The following TCERG1 variants were observed in gnomAD, a reference collection of about 807,000 sequenced individuals.
The protein encoded by TCERG1 is transcription elongation regulator 1, also known as TATA box binding protein (TBP)-associated factor, RNA polymerase II, S, 150kD.
In TCERG1, 37 loss-of-function variants were observed where a neutral mutation model predicts 144.7. The observed-to-expected ratio is 0.26, with a 90% CI of 0.20 to 0.34. The LOEUF is 0.34. Among genes scored for constraint, TCERG1 ranks in the 10% least tolerant of loss-of-function variants. TCERG1 has a pLI of 1.00. For synonymous variants in TCERG1, 492 were observed against 458.2 expected, an observed-to-expected ratio of 1.07 and a Z score of -0.94; for missense variants, 1,027 against 1,380.7, an observed-to-expected ratio of 0.74 and a Z score of 4.06.
intron 4 of TCERG1, among the ~76,000 whole-genome samples, chr5:146,459,630 A>C (rs542330711): frequency 6.6e-6 from 1 of 152,224 alleles, no homozygotes; most frequent in South Asian, 2.1e-4. Context: ...AATAAGTGTA[A>C]GTCTTGGTCC....
At chr5:146,462,446 A>T (rs1158008667) in intron 4 of TCERG1, among the ~76,000 whole-genome samples, 3 of 152,164 alleles carry the variant, frequency 2.0e-5, no homozygotes, top group Non-Finnish European at 4.4e-5. Flanking sequence ...GTTTTGTAAC[A>T]TGTGAGAATT....
intron 9 of TCERG1, among the ~76,000 whole-genome samples, chr5:146,472,982 G>A (rs1561661099): frequency 6.6e-6 from 1 of 152,010 alleles, no homozygotes; most frequent in Non-Finnish European, 1.5e-5. Flanking sequence ...CAAAGTGCTG[G>A]GATTACAGGC....
intron 9 of TCERG1, among the ~76,000 whole-genome samples, chr5:146,472,500 C>T (rs1340002090): frequency 6.6e-6 from 1 of 152,064 alleles, no homozygotes; most frequent in Non-Finnish European, 1.5e-5. Context: ...GTGCCACAAA[C>T]CACACCCATG....
intron 2 of TCERG1, among the ~76,000 whole-genome samples, chr5:146,455,917 T>A (rs1762794809): frequency 6.6e-6 from 1 of 152,244 alleles, no homozygotes; most frequent in African/African-American, 2.4e-5. Context: ...GGTGAGGTCA[T>A]GAAGGTATGA....
Position 146,509,157 on chromosome 5 carries a change from G to C in TCERG1, c.3058G>C (p.Glu1020Gln), listed in dbSNP as rs1768252775. 6.4e-7 allele frequency: 1 copy of C among 1,570,220 alleles called. No homozygotes were observed. The highest frequency in any genetic ancestry group is 1.4e-5 in the African/African-American group (1 of 72,258). The change falls in exon 22 of 23, where the codon GAA becomes CAA. Residue 1020 changes from glutamate (E) to glutamine (Q), a missense_variant. By Grantham distance (29) the Glu-to-Gln change is conservative. Transcript: ENST00000679501. ...TTTTTATTAACAGAAAAAACAAAGAGAATTTGAAGAATATATCAGAGACAA... is the reference window on the plus strand; with the variant it reads ...TTTTTATTAACAGAAAAAACAAAGACAATTTGAAGAATATATCAGAGACAA... ...FSSSDRKKQR[E>Q]FEEYIRDKYI...
Position 146,471,496 on chromosome 5 carries a change from AGAAGAGGAGATGACT to A in TCERG1, c.1527_1541del (p.Met511_Glu515del). ...AATATCATTTCTTGTAGGAGCCCAAAGAAGAGGAGATGACTGAAGAAGAAAAGGCTGCCCAGAAGG... is the reference window on the plus strand; with the variant it reads ...AATATCATTTCTTGTAGGAGCCCAAAGAAGAAGAAAAGGCTGCCCAGAAGG... On this transcript the variant is annotated inframe_deletion, in exon 9 of 23. Transcript: ENST00000679501. 6.2e-7 allele frequency: 1 copy of A among 1,612,932 alleles called. No homozygotes were observed.
intron 15 of TCERG1, among the ~76,000 whole-genome samples, chr5:146,491,511 G>A (rs10069071): frequency 0.043 from 6,508 of 152,132 alleles, 238 homozygotes; most frequent in East Asian, 0.19. Context: ...AGTTAGGCTG[G>A]TTTGTTGAGA....
At chr5:146,482,281 C>CT (rs34057709) in intron 13 of TCERG1, 744 of 162,914 alleles carry the variant, frequency 4.6e-3, no homozygotes, top group Non-Finnish European at 6.6e-3. Flanking sequence ...CAGTGTTAAA[C>CT]TTTTTTTTTT....
At chr5:146,456,097 G>A (rs1762811674) in intron 2 of TCERG1, among the ~76,000 whole-genome samples, 1 of 152,172 alleles carries the variant, frequency 6.6e-6, no homozygotes, top group Non-Finnish European at 1.5e-5. Context: ...AGACAATGAT[G>A]TGCCATTTAA....
chr5:146,473,178 T>C (rs574463975), intron 9 of TCERG1, among the ~76,000 whole-genome samples: 15 of 152,338 alleles, frequency 9.8e-5, no homozygotes, highest in Admixed American at 5.9e-4. Flanking sequence ...ATAAGAATGA[T>C]AAGAACCTTA....
At chr5:146,472,701 T>TGTGTGTGTGTGTGTG (rs1554098112) in intron 9 of TCERG1, among the ~76,000 whole-genome samples, 13 of 146,044 alleles carry the variant, frequency 8.9e-5, no homozygotes, top group Admixed American at 6.8e-4. Context: ...ACCTCTCACT[T>TGTGTGTGTGTGTGTG]TGTGTGTGTG....
At chr5:146,482,457 C>T in intron 13 of TCERG1, 135 bp from the exon 14 acceptor site, 2 of 696,636 alleles carry the variant, frequency 2.9e-6, no homozygotes, top group Non-Finnish European at 4.5e-6. Flanking sequence ...ATTTGAAACC[C>T]TCAATATAAT....
chr5:146,457,761 T>C (rs952558161), intron 3 of TCERG1, among the ~76,000 whole-genome samples: 2 of 152,262 alleles, frequency 1.3e-5, no homozygotes, highest in Non-Finnish European at 2.9e-5. Flanking sequence ...GTCTGTTATG[T>C]TGAATTTCTG....
chr5:146,481,193 C>G lies in TCERG1; in HGVS notation c.1930C>G (p.Leu644Val), dbSNP rs1561673483. 1 of 985,114 alleles carries G rather than the reference C, an allele frequency of 1.0e-6. No homozygotes were observed. The highest frequency in any genetic ancestry group is 1.7e-5 in the African/African-American group (1 of 57,194). 61.0% of individuals were successfully genotyped at this position (985,114 alleles called of 1,614,324 possible). The change falls in exon 13 of 23, where the codon CTA becomes GTA. Residue 644 changes from leucine (L) to valine (V), a missense_variant. Around this residue, in one of 6 missense-constraint regions of TCERG1, gnomAD observed 482 missense variants for 632.6 expected, o/e 0.76. Transcript: ENST00000679501. ...CTTTATGTGGATTGCCCGAGCTTCT[C>G]TATTTAGGTACAAAGCTAAAAGCCT... ...KSFMWIARASLFRRDDNKDID... is the reference protein window; with the variant it reads ...KSFMWIARASVFRRDDNKDID...
chr5:146,477,294 C>G (rs1392669028), intron 9 of TCERG1, among the ~76,000 whole-genome samples: 1 of 151,822 alleles, frequency 6.6e-6, no homozygotes, highest in Non-Finnish European at 1.5e-5. Flanking sequence ...ACTATCTTAA[C>G]ATAGGAGGCT....
intron 16 of TCERG1, 98 bp downstream of exon 16, chr5:146,493,136 G>A (rs979572005): frequency 1.2e-6 from 1 of 837,870 alleles, no homozygotes; most frequent in Non-Finnish European, 1.8e-6. Flanking sequence ...GACTATTTGG[G>A]CACTAAAAGC....
At chr5:146,490,154 A>G (rs1287805219) in intron 15 of TCERG1, among the ~76,000 whole-genome samples, 2 of 152,186 alleles carry the variant, frequency 1.3e-5, no homozygotes, top group African/African-American at 4.8e-5. Context: ...GCAATGCTAT[A>G]CTTAGAGGAA....
chr5:146,468,541 G>A, intron 6 of TCERG1, 138 bp downstream of exon 6: 1 of 673,390 alleles, frequency 1.5e-6, no homozygotes, highest in Non-Finnish European at 2.3e-6. Context: ...CAGTATAAAT[G>A]CAGTTGTCAT....
intron 15 of TCERG1, among the ~76,000 whole-genome samples, chr5:146,492,204 A>G (rs1009446365): frequency 1.1e-4 from 17 of 152,068 alleles, no homozygotes; most frequent in African/African-American, 3.9e-4. Flanking sequence ...GATGCTGTCT[A>G]TTCTTGAGTT....
Sources: gnomAD v4.1 joint callset for allele counts (sites outside exome capture counted in the v4.1 genomes callset) on GRCh38, gnomAD v4.1.1 for gene constraint, gnomAD v4.1.1 regional missense constraint, MANE v1.5 for transcripts, NCBI Gene and HGNC (gene_info 2026-07-23, HGNC 2026-07-21) for gene names.